The following PLEKHA5 variants were observed in gnomAD, a reference collection of about 807,000 sequenced individuals.
PLEKHA5 encodes the protein pleckstrin homology domain containing A5.
A neutral mutation model predicts 181.9 loss-of-function variants in PLEKHA5; 55 were observed. The ratio of observed to expected loss-of-function variants is 0.30; its 90% CI spans 0.24 to 0.38. The LOEUF is 0.38. Ranked by LOEUF, PLEKHA5 falls within the 10% of genes least tolerant of loss-of-function variation. The probability of loss-of-function intolerance (pLI) is 1.00; values close to 1 mark genes in which losing one functional copy is unlikely to be tolerated. For synonymous variants in PLEKHA5, 535 were observed against 529.4 expected (o/e 1.01, Z -0.15); for missense variants, 1,432 against 1,549.5 (o/e 0.92, Z 1.27).
chr12:19,254,968 T>C (rs2066457668), intron 4 of PLEKHA5, 77 bp from the exon 5 acceptor site: 12 of 1,269,350 alleles, frequency 9.5e-6, no homozygotes, highest in Non-Finnish European at 1.3e-5. Context: ...ACACTCGCAT[T>C]GTTAACTGTA....
chr12:19,290,713 C>A lies in PLEKHA5; in HGVS notation c.1900C>A (p.Arg634=), dbSNP rs746393653. 2.0e-6 allele frequency: 3 copies of A among 1,534,660 alleles called. No individual in the cohort carries two copies. Among genetic ancestry groups the A allele is most frequent in the African/African-American group, 2.7e-5 (2 of 73,152 alleles). ...TACGCTGCTGCTAATAAAGCTGAGA[C>A]GGCAGCAAGCCGAACTGAGTAGTAT... ...ELTLLLIKLR[R]QQAELSSIRE... The change falls in exon 14 of 32, where the codon CGG becomes AGG. Residue 634 remains arginine (R), a synonymous_variant. Transcript: ENST00000429027.
At chr12:19,239,102 C>T (rs1398209743) in intron 3 of PLEKHA5, among the ~76,000 whole-genome samples, 3 of 152,052 alleles carry the variant, frequency 2.0e-5, no homozygotes, top group Non-Finnish European at 2.9e-5. Flanking sequence ...CAGTACAAAA[C>T]GTTGTATATA....
At chr12:19,360,622 A>G (rs1229362174) in intron 28 of PLEKHA5, among the ~76,000 whole-genome samples, 1 of 151,744 alleles carries the variant, frequency 6.6e-6, no homozygotes, top group Non-Finnish European at 1.5e-5. Flanking sequence ...AAGAAAAAAG[A>G]AAAAGAAAAA....
chr12:19,247,624 A>G (rs539422867), intron 3 of PLEKHA5, among the ~76,000 whole-genome samples: 1 of 152,214 alleles, frequency 6.6e-6, no homozygotes, highest in Non-Finnish European at 1.5e-5. Context: ...GCTTTAAAGT[A>G]TCAGGCCTTT....
chr12:19,351,486 CT>C (rs1030094161), intron 25 of PLEKHA5, among the ~76,000 whole-genome samples: 1 of 152,046 alleles, frequency 6.6e-6, no homozygotes, highest in African/African-American at 2.4e-5. Flanking sequence ...GCTTTAACAT[CT>C]TTGTTTTGTT....
intron 3 of PLEKHA5, chr12:19,153,733 A>G (rs1383649835): frequency 6.6e-6 from 1 of 152,130 alleles, no homozygotes. Context: ...TCACCCCCCT[A>G]AAATCATCTG....
intron 29 of PLEKHA5, among the ~76,000 whole-genome samples, 166 bp from the exon 30 acceptor site, chr12:19,365,798 A>G (rs1004648936): frequency 1.3e-5 from 2 of 152,200 alleles, no homozygotes; most frequent in Non-Finnish European, 2.9e-5. Context: ...CAGGTTTATT[A>G]TTTGCTCTAA....
intron 3 of PLEKHA5, among the ~76,000 whole-genome samples, chr12:19,191,910 C>T (rs2051232070): frequency 6.6e-6 from 1 of 152,106 alleles, no homozygotes; most frequent in Non-Finnish European, 1.5e-5. Context: ...AGAAGCCGCA[C>T]TGCCATTATG....
intron 15 of PLEKHA5, chr12:19,307,018 G>GTT: frequency 6.0e-6 from 9 of 1,494,746 alleles, no homozygotes; most frequent in Non-Finnish European, 8.4e-6. Context: ...TCCTACTCTT[G>GTT]TTCCTGCCCT....
intron 3 of PLEKHA5, among the ~76,000 whole-genome samples, chr12:19,168,816 AAAT>A (rs1304028600): frequency 6.6e-6 from 1 of 152,208 alleles, no homozygotes; most frequent in Non-Finnish European, 1.5e-5. Context: ...AATAATGGTG[AAAT>A]AATGAGTCAA....
intron 16 of PLEKHA5, among the ~76,000 whole-genome samples, chr12:19,316,428 G>A (rs757068283): frequency 6.7e-6 from 1 of 149,306 alleles, no homozygotes; most frequent in Non-Finnish European, 1.5e-5. Flanking sequence ...GGGAAGGGCT[G>A]AGGGGGGGGA....
At chr12:19,243,302 C>T (rs1227456395) in intron 3 of PLEKHA5, 6 of 152,262 alleles carry the variant, frequency 3.9e-5, no homozygotes, top group African/African-American at 1.4e-4. Flanking sequence ...GCCTTGGAGG[C>T]ACTCCTACTT....
intron 3 of PLEKHA5, among the ~76,000 whole-genome samples, chr12:19,206,269 A>G (rs2055479196): frequency 6.6e-6 from 1 of 151,996 alleles, no homozygotes; most frequent in Non-Finnish European, 1.5e-5. Flanking sequence ...TTTTCTCCAT[A>G]TTATGCTCTT....
chr12:19,274,966 T>C lies in PLEKHA5; in HGVS notation c.1296T>C (p.His432=). The C allele has an allele frequency of 6.2e-7, 1 of 1,607,884 alleles. No homozygotes were observed. Among genetic ancestry groups the C allele is most frequent in the African/African-American group, 1.3e-5 (1 of 74,978 alleles). Residue 432 remains histidine, a synonymous_variant, in exon 11 of 32, where the codon CAT becomes CAC. Transcript: ENST00000429027. The part of the protein sequence containing the change: ...QWIKIQKGRG[H]EEETRGVISY... ...TTAAAATCCAGAAGGGGAGGGGTCATGAAGAAGAAACCAGGGGGTAAGTGT... is the reference window on the plus strand; with the variant it reads ...TTAAAATCCAGAAGGGGAGGGGTCACGAAGAAGAAACCAGGGGGTAAGTGT...
chr12:19,349,439 T>C (rs1309059536), intron 25 of PLEKHA5, among the ~76,000 whole-genome samples: 1 of 152,160 alleles, frequency 6.6e-6, no homozygotes, highest in African/African-American at 2.4e-5. Context: ...TGTGTGTGTT[T>C]AAAATTATGC....
intron 3 of PLEKHA5, among the ~76,000 whole-genome samples, chr12:19,226,446 G>A (rs932311039): frequency 6.6e-6 from 1 of 152,052 alleles, no homozygotes; most frequent in African/African-American, 2.4e-5. Context: ...AATTATTTGG[G>A]TATATATACC....
At chr12:19,177,648 A>G (rs2047635121) in intron 3 of PLEKHA5, among the ~76,000 whole-genome samples, 1 of 152,250 alleles carries the variant, frequency 6.6e-6, no homozygotes, top group South Asian at 2.1e-4. Flanking sequence ...AAGCACACCA[A>G]GAGTTGACCT....
At chr12:19,234,662 A>G (rs192628556) in intron 3 of PLEKHA5, among the ~76,000 whole-genome samples, 2 of 152,304 alleles carry the variant, frequency 1.3e-5, no homozygotes, top group Admixed American at 1.3e-4. Context: ...TTTTATTACA[A>G]AAATGTCTGC....
At chr12:19,359,079 A>C (rs1170645261) in intron 27 of PLEKHA5, among the ~76,000 whole-genome samples, 1 of 152,226 alleles carries the variant, frequency 6.6e-6, no homozygotes, top group African/African-American at 2.4e-5. Context: ...CATAAACTGA[A>C]TGCATCAGCT....
Sources: gnomAD v4.1 joint callset for allele counts (sites outside exome capture counted in the v4.1 genomes callset) on GRCh38, gnomAD v4.1.1 for gene constraint, MANE v1.5 for transcripts, NCBI Gene and HGNC (gene_info 2026-07-23, HGNC 2026-07-21) for gene names.